Variants in PSG2 observed in about 807,000 individuals in gnomAD.
PSG2 encodes the protein pregnancy specific beta-1-glycoprotein 2.
A neutral mutation model predicts 36.2 loss-of-function variants in PSG2; 49 were observed. The observed-to-expected ratio is 1.35, with a 90% confidence interval of 1.08 to 1.72. PSG2 has a LOEUF of 1.72. Ranked by LOEUF, PSG2 falls within the 40% of genes most tolerant of loss-of-function variation. The pLI is 0.00. For synonymous variants in PSG2, 261 were observed against 155.6 expected, an observed-to-expected ratio of 1.68 and a Z score of -5.04; for missense variants, 605 against 407.2, an observed-to-expected ratio of 1.49 and a Z score of -4.18.
chr19:43,067,522 C>CT (rs1248637876), intron 4 of PSG2, among the ~76,000 whole-genome samples: 3 of 151,390 alleles, frequency 2.0e-5, no homozygotes, highest in Non-Finnish European at 4.4e-5. Context: ...GTGCTAAATA[C>CT]TTCCCTGTAT....
Position 43,071,957 on chromosome 19 carries a change from G to A in PSG2, c.710-3C>T. On this transcript the variant is annotated splice_polypyrimidine_tract_variant and splice_region_variant and intron_variant, in intron 3 of 5. Transcript: ENST00000406487. Reference sequence around the variant, plus strand: ...AATTCTGGGGAGGTCTGGACCATCTGGAGCAAAGAGAATAAAGCCACAGGT... The same window carrying A: ...AATTCTGGGGAGGTCTGGACCATCTAGAGCAAAGAGAATAAAGCCACAGGT... 1 of 1,611,870 alleles carries A rather than the reference G, an allele frequency of 6.2e-7. No individual in the cohort carries two copies. Among genetic ancestry groups the A allele is most frequent in the Non-Finnish European group, 8.5e-7 (1 of 1,178,818 alleles).
At chr19:43,073,116 C>T (rs1217868386) in intron 3 of PSG2, among the ~76,000 whole-genome samples, 1 of 151,756 alleles carries the variant, frequency 6.6e-6, no homozygotes, top group Non-Finnish European at 1.5e-5. Flanking sequence ...AGATACTGAG[C>T]AGCCTGGCCT....
chr19:43,074,901 T>A (rs1302499946), intron 3 of PSG2, among the ~76,000 whole-genome samples: 1 of 144,114 alleles, frequency 6.9e-6, no homozygotes, highest in East Asian at 1.9e-4. Context: ...CTTGGGGACT[T>A]CCCTTGTATG....
At chr19:43,082,044 A>C (rs1362563021) in intron 1 of PSG2, 2 of 142,074 alleles carry the variant, frequency 1.4e-5, no homozygotes, top group Admixed American at 7.1e-5. Flanking sequence ...TCCTGTTTTG[A>C]CCCCTGTCCC....
intron 5 of PSG2, among the ~76,000 whole-genome samples, chr19:43,065,225 T>G (rs938376002): frequency 6.6e-6 from 1 of 151,654 alleles, no homozygotes; most frequent in Non-Finnish European, 1.5e-5. Context: ...TTTCTATAAA[T>G]TTAATATATA....
intron 4 of PSG2, among the ~76,000 whole-genome samples, chr19:43,070,258 G>T (rs563211406): frequency 6.6e-6 from 1 of 151,726 alleles, no homozygotes; most frequent in Non-Finnish European, 1.5e-5. Context: ...ATGGGAATGG[G>T]AAATGTTATA....
At chr19:43,077,905 T>G (rs1967919994) in intron 2 of PSG2, among the ~76,000 whole-genome samples, 1 of 151,644 alleles carries the variant, frequency 6.6e-6, no homozygotes, top group Non-Finnish European at 1.5e-5. Context: ...TGGAACCGAG[T>G]GACAAATTCC....
In PSG2 at chr19:43,066,514, T is replaced by C. The variant is rs1297508389; in HGVS notation, c.*40+3A>G. 3.2e-6 allele frequency: 5 copies of C among 1,543,486 alleles called. No homozygotes were observed. The highest frequency in any genetic ancestry group is 2.8e-5 in the African/African-American group (2 of 72,462). ...ACCAGGATAAGAGAAAAGGCCATCA[T>C]ACCTGCCAGTCTTCCTGAAATACAG... On this transcript the variant is annotated splice_donor_region_variant and intron_variant, in intron 5 of 5. Transcript: ENST00000406487.
In PSG2 at chr19:43,081,256, G is replaced by A; in HGVS notation, c.65-10C>T. The A allele has an allele frequency of 1.2e-6, 2 of 1,609,274 alleles. No individual in the cohort carries two copies. The highest frequency in any genetic ancestry group is 1.7e-6 in the Non-Finnish European group (2 of 1,177,924). On this transcript the variant is annotated splice_polypyrimidine_tract_variant and intron_variant, in intron 1 of 5. Transcript: ENST00000406487. The stretch of plus-strand genomic sequence containing the variant: ...AAGTTTAAAAGTGATGCTAGGAGGT[G>A]GAGAGAGCATCAGACAATATTGAGA...
Position 43,082,541 on chromosome 19 carries a change from G to A in PSG2, c.29C>T (p.Thr10Ile). The change falls in exon 1 of 6, where the codon ACA becomes ATA. Residue 10 changes from threonine (T) to isoleucine (I), a missense_variant. By Grantham distance (89) the Thr-to-Ile change is moderately conservative. Transcript: ENST00000406487. ...GAGCCCCTTCCATTTGATGTGCTCT[G>A]TGCAGGGAGGGGCTGAGAGGGGCCC... Reference protein sequence around the residue: MGPLSAPPCTEHIKWKGLLV... With the variant: MGPLSAPPCIEHIKWKGLLV... 2 of 1,612,148 alleles carry A rather than the reference G, an allele frequency of 1.2e-6. No homozygotes were observed. Among genetic ancestry groups the A allele is most frequent in the East Asian group, 2.2e-5 (1 of 44,840 alleles).
At chr19:43,078,806 A>G (rs1967932130) in intron 2 of PSG2, among the ~76,000 whole-genome samples, 1 of 151,634 alleles carries the variant, frequency 6.6e-6, no homozygotes. Flanking sequence ...GTGTGTGTGC[A>G]GGAGGCCAGA....
intron 1 of PSG2, 131 bp from the exon 2 acceptor site, chr19:43,081,377 ACACACACAC>A: frequency 7.5e-7 from 1 of 1,330,580 alleles, no homozygotes. Context: ...ACACACACAC[ACACACACAC>A]ACACACACAC....
chr19:43,081,302 G>T, intron 1 of PSG2, 56 bp from the exon 2 acceptor site: 1 of 1,564,030 alleles, frequency 6.4e-7, no homozygotes, highest in Admixed American at 1.8e-5. Context: ...GGGGTGAAAA[G>T]ATGGGGCCCT....
chr19:43,066,899 T>A (rs1264997813), intron 4 of PSG2, among the ~76,000 whole-genome samples: 1 of 151,404 alleles, frequency 6.6e-6, no homozygotes, highest in Non-Finnish European at 1.5e-5. Flanking sequence ...CTTGCCACAT[T>A]TTCACCTTTT....
chr19:43,072,870 G>A lies in PSG2; in HGVS notation c.710-916C>T, dbSNP rs150901246. Reference sequence around the variant, plus strand: ...AAGTGTCAATTGAGCAGCAGTGTTGGGTCATGGACAGACATGTCAGTGGGA... The same window carrying A: ...AAGTGTCAATTGAGCAGCAGTGTTGAGTCATGGACAGACATGTCAGTGGGA... On this transcript the variant is annotated intron_variant, in intron 3 of 5. Transcript: ENST00000406487. Among the ~76,000 whole-genome samples, 346 of 151,768 alleles carry A rather than the reference G, an allele frequency of 2.3e-3. 13 individuals are homozygous for A. The highest frequency in any genetic ancestry group is 8.1e-3 in the African/African-American group (333 of 41,210).
intron 4 of PSG2, 79 bp from the exon 5 acceptor site, chr19:43,066,679 C>T: frequency 7.0e-7 from 1 of 1,433,088 alleles, no homozygotes; most frequent in Non-Finnish European, 9.8e-7. Context: ...AAGCATGTAA[C>T]ATGAGGTACT....
intron 1 of PSG2, among the ~76,000 whole-genome samples, chr19:43,081,601 C>G (rs1179977288): frequency 1.3e-5 from 2 of 151,540 alleles, no homozygotes; most frequent in Non-Finnish European, 2.9e-5. Flanking sequence ...CCTGACACCT[C>G]CTTCAGAGAC....
chr19:43,078,834 G>T (rs10417764), intron 2 of PSG2, among the ~76,000 whole-genome samples: 22,150 of 151,430 alleles, frequency 0.15, 2,659 homozygotes, highest in African/African-American at 0.3. Flanking sequence ...GTCTGACAAT[G>T]ATAAGAGTGG....
intron 3 of PSG2, among the ~76,000 whole-genome samples, chr19:43,073,637 G>A (rs1040096792): frequency 2.0e-5 from 3 of 151,682 alleles, no homozygotes; most frequent in Admixed American, 2.0e-4. Context: ...GGATTCCAGA[G>A]TGAATATGAG....
Sources: allele counts gnomAD v4.1 joint callset (sites outside exome capture counted in the v4.1 genomes callset), GRCh38; gene constraint gnomAD v4.1.1; transcripts MANE v1.5; gene names NCBI Gene and HGNC (gene_info 2026-07-23, HGNC 2026-07-21).